The following LRRC37A2 variants were observed in gnomAD, a reference collection of about 807,000 sequenced individuals.
LRRC37A2 encodes the protein leucine-rich repeat-containing protein 37A2.
In LRRC37A2, 9 loss-of-function variants were observed where a neutral mutation model predicts 68.8. The ratio of observed to expected loss-of-function variants is 0.13; its 90% CI spans 0.08 to 0.23. LRRC37A2 has a LOEUF of 0.23. Ranked by LOEUF, LRRC37A2 falls within the 10% of genes least tolerant of loss-of-function variation. LRRC37A2 has a pLI of 1.00. For synonymous variants in LRRC37A2, 63 were observed against 367.6 expected, an observed-to-expected ratio of 0.17 and a Z score of 9.48; for missense variants, 168 against 950.4, an observed-to-expected ratio of 0.18 and a Z score of 10.82.
chr17:46,541,875 G>A (rs1369875161), intron 8 of LRRC37A2, among the ~76,000 whole-genome samples: 20 of 150,118 alleles, frequency 1.3e-4, no homozygotes, highest in African/African-American at 4.8e-4. Flanking sequence ...GGGTCCTGGA[G>A]CCAATCCCCT....
the LRRC37A2 span, chr17:46,930,573 A>G: frequency 6.5e-6 from 1 of 154,388 alleles, no homozygotes; most frequent in African/African-American, 2.4e-5. Flanking sequence ...CCATTCTTAC[A>G]GAAAGCTTTA....
the LRRC37A2 span, among the ~76,000 whole-genome samples, chr17:46,865,103 A>G: frequency 6.6e-6 from 1 of 152,216 alleles, no homozygotes; most frequent in African/African-American, 2.4e-5. Context: ...CATACGTGCC[A>G]GGGACAAAGG....
chr17:46,746,237 T>G, the LRRC37A2 span, among the ~76,000 whole-genome samples: 1 of 152,238 alleles, frequency 6.6e-6, no homozygotes, highest in Admixed American at 6.5e-5. Context: ...CCCTTTAATC[T>G]GAATGCTCAC....
the LRRC37A2 span, among the ~76,000 whole-genome samples, chr17:46,921,657 C>T: frequency 6.6e-6 from 1 of 152,200 alleles, no homozygotes; most frequent in Admixed American, 6.5e-5. Flanking sequence ...ACAACCCCAT[C>T]AACAAGTGGG....
chr17:47,045,028 C>T, the LRRC37A2 span, among the ~76,000 whole-genome samples: 1 of 148,424 alleles, frequency 6.7e-6, no homozygotes, highest in African/African-American at 2.5e-5. Flanking sequence ...ACAAAAGAAA[C>T]ACCTTTGTGG....
chr17:46,780,236 A>G, the LRRC37A2 span, among the ~76,000 whole-genome samples: 2 of 152,198 alleles, frequency 1.3e-5, no homozygotes, highest in African/African-American at 2.4e-5. Flanking sequence ...GTGACGGCCA[A>G]TCCCCTGCTG....
At chr17:46,720,901 G>A in the LRRC37A2 span, among the ~76,000 whole-genome samples, 109 of 152,288 alleles carry the variant, frequency 7.2e-4, no homozygotes, top group Non-Finnish European at 1.2e-3. Context: ...TTGTGATCCC[G>A]AAAGGCTGGG....
chr17:47,000,068 A>ATAAAAT, the LRRC37A2 span, among the ~76,000 whole-genome samples: 2 of 13,182 alleles, frequency 1.5e-4, no homozygotes, highest in African/African-American at 2.9e-4. Flanking sequence ...TAAAATTAAA[A>ATAAAAT]TAAAATAAAA....
At chr17:46,884,922 T>G in the LRRC37A2 span, 5 of 348,518 alleles carry the variant, frequency 1.4e-5, no homozygotes, top group Non-Finnish European at 2.8e-5. Context: ...CAGTGAAATT[T>G]GTGAACTCCC....
chr17:46,558,723 A>G (rs1307231512), downstream of LRRC37A2: 6 of 136,578 alleles, frequency 4.4e-5, no homozygotes, highest in Non-Finnish European at 7.8e-5. Context: ...ACACCTGTGG[A>G]TCTCTAGCCT....
At chr17:46,749,666 A>G in the LRRC37A2 span, 5 of 1,064,630 alleles carry the variant, frequency 4.7e-6, no homozygotes, top group Non-Finnish European at 6.6e-6. Context: ...AATCATTTGC[A>G]TCGGCAAGAT....
chr17:47,020,781 C>CAAAAAAAAAAAAAAAAAAAAAAAAAA, the LRRC37A2 span, among the ~76,000 whole-genome samples: 5 of 20,108 alleles, frequency 2.5e-4, no homozygotes, highest in African/African-American at 2.9e-4. Context: ...GACTCCATCT[C>CAAAAAAAAAAAAAAAAAAAAAAAAAA]AAAAAAAAAA....
chr17:46,755,594 A>G, the LRRC37A2 span: 1 of 693,818 alleles, frequency 1.4e-6, no homozygotes, highest in Non-Finnish European at 2.4e-6. Context: ...GGAAAAACTT[A>G]ATGGTACATA....
At chr17:46,848,333 C>T in the LRRC37A2 span, among the ~76,000 whole-genome samples, 1 of 152,200 alleles carries the variant, frequency 6.6e-6, no homozygotes, top group Admixed American at 6.5e-5. Context: ...AAAAAGGCCA[C>T]AAACCAGGGT....
the LRRC37A2 span, chr17:46,941,487 A>C: frequency 1.1e-6 from 1 of 923,050 alleles, no homozygotes; most frequent in Non-Finnish European, 1.3e-6. Context: ...CTGCTTCAGA[A>C]GCAGTGGGGA....
At chr17:46,935,901 G>T in the LRRC37A2 span, 2 of 985,902 alleles carry the variant, frequency 2.0e-6, no homozygotes, top group Non-Finnish European at 2.4e-6. Context: ...CTGTTATCAG[G>T]GTGTGGTCCC....
chr17:46,977,142 TC>T, the LRRC37A2 span, among the ~76,000 whole-genome samples: 1 of 151,806 alleles, frequency 6.6e-6, no homozygotes, highest in Non-Finnish European at 1.5e-5. Flanking sequence ...TTCGAGAAAC[TC>T]CCCCACCCCA....
At chr17:46,992,227 G>T in the LRRC37A2 span, among the ~76,000 whole-genome samples, 1 of 48,930 alleles carries the variant, frequency 2.0e-5, no homozygotes, top group South Asian at 7.6e-4. Flanking sequence ...AATTAGCCAG[G>T]TGTAGTGGTA....
the LRRC37A2 span, among the ~76,000 whole-genome samples, chr17:46,952,990 G>A: frequency 6.6e-6 from 1 of 152,016 alleles, no homozygotes; most frequent in Non-Finnish European, 1.5e-5. Context: ...TCATTCAAAT[G>A]ACTCTGAGCC....
Sources: allele counts gnomAD v4.1 joint callset (sites outside exome capture counted in the v4.1 genomes callset), GRCh38; gene constraint gnomAD v4.1.1; transcripts MANE v1.5; gene names NCBI Gene and HGNC (gene_info 2026-07-23, HGNC 2026-07-21).